The following TMEM132B variants were observed in gnomAD, a reference collection of about 807,000 sequenced individuals.
The protein encoded by TMEM132B is transmembrane protein 132B.
In TMEM132B, 18 loss-of-function variants were observed where a neutral mutation model predicts 90.8. That is an observed-to-expected ratio of 0.20 (90% CI 0.14 to 0.29). The LOEUF (loss-of-function observed/expected upper bound fraction) is 0.29, where lower values mean the gene tolerates loss of function less well. Among genes scored for constraint, TMEM132B ranks in the 10% least tolerant of loss-of-function variants. TMEM132B has a pLI of 1.00. For synonymous variants in TMEM132B, 504 were observed against 523.3 expected, an observed-to-expected ratio of 0.96 and a Z score of 0.50; for missense variants, 1,096 against 1,326.8, an observed-to-expected ratio of 0.83 and a Z score of 2.70.
chr12:125,458,793 A>G lies in TMEM132B; in HGVS notation c.1106+43116A>G, dbSNP rs1881362651. Among the ~76,000 whole-genome samples, 2 of 152,198 alleles carry G rather than the reference A, an allele frequency of 1.3e-5. No individual in the cohort carries two copies. The highest frequency in any genetic ancestry group is 1.9e-4 in the East Asian group (1 of 5,184). ...AGCATCTGAGGACAAATGAGAGTAG[A>G]TGTTGGGGTCCTGTACACAAAAGGC... On this transcript the variant is annotated intron_variant, in intron 3 of 8. Coordinates refer to ENST00000682704, the MANE Select transcript of TMEM132B (RefSeq NM_001366854.1). This position sits in a 1 kb window ranked among gnomAD's most constrained non-coding sequence, Gnocchi z 4.9.
intron 2 of TMEM132B, among the ~76,000 whole-genome samples, chr12:125,370,738 A>G (rs1878269274): frequency 6.6e-6 from 1 of 152,202 alleles, no homozygotes; most frequent in Admixed American, 6.5e-5. Flanking sequence ...TAGGGAAGAA[A>G]TGGGTAATGG....
chr12:125,462,312 T>G (rs1489534440), intron 3 of TMEM132B, among the ~76,000 whole-genome samples: 1 of 152,216 alleles, frequency 6.6e-6, no homozygotes, highest in African/African-American at 2.4e-5. Flanking sequence ...ATCTCTTTAT[T>G]CAAATGAATA....
At chr12:125,636,788 G>A (rs1168140473) in intron 5 of TMEM132B, among the ~76,000 whole-genome samples, 1 of 152,166 alleles carries the variant, frequency 6.6e-6, no homozygotes, top group Non-Finnish European at 1.5e-5. Context: ...CTGCAGCCAG[G>A]ATCATGAAGG....
chr12:125,580,604 G>T (rs150595931), intron 4 of TMEM132B, among the ~76,000 whole-genome samples: 10 of 152,262 alleles, frequency 6.6e-5, no homozygotes, highest in Middle Eastern at 3.4e-3. Flanking sequence ...AGCAGGTCAG[G>T]TTAAAATGGC....
In TMEM132B at chr12:125,445,185, T is replaced by G. The variant is rs1277118262; in HGVS notation, c.1106+29508T>G. Among the ~76,000 whole-genome samples the G allele has an allele frequency of 1.3e-5, 2 of 152,220 alleles. No homozygotes were observed. Among genetic ancestry groups the G allele is most frequent in the Non-Finnish European group, 2.9e-5 (2 of 68,048 alleles). On this transcript the variant is annotated intron_variant, in intron 3 of 8. Transcript: ENST00000682704. This position sits in a 1 kb window ranked among gnomAD's most constrained non-coding sequence, Gnocchi z 4.3. ...GGAAAAAAAAAACTTTTCAGATATT[T>G]ATTAATCATTTGTATTTCCACTTTT...
At chr12:125,392,125 G>C (rs966944539) in intron 2 of TMEM132B, among the ~76,000 whole-genome samples, 1 of 152,140 alleles carries the variant, frequency 6.6e-6, no homozygotes, top group Non-Finnish European at 1.5e-5. Context: ...AATTAACTTG[G>C]ATTTTAGAAA....
intron 3 of TMEM132B, among the ~76,000 whole-genome samples, chr12:125,478,687 T>A (rs1373569803): frequency 6.6e-6 from 1 of 152,156 alleles, no homozygotes; most frequent in Non-Finnish European, 1.5e-5. Context: ...AAAACACTCT[T>A]CAGGATATTA....
intron 3 of TMEM132B, among the ~76,000 whole-genome samples, chr12:125,505,188 A>AAAC (rs1882812963): frequency 6.8e-6 from 1 of 146,846 alleles, no homozygotes; most frequent in Non-Finnish European, 1.5e-5. Context: ...AAAAAAAAAA[A>AAAC]AAAAAAACAG....
At chr12:125,612,700 G>T (rs981622392) in intron 5 of TMEM132B, among the ~76,000 whole-genome samples, 3 of 142,958 alleles carry the variant, frequency 2.1e-5, no homozygotes, top group Non-Finnish European at 4.6e-5. Flanking sequence ...TTATGTTTAT[G>T]TAGCCACTCT....
chr12:125,495,564 T>C, intron 3 of TMEM132B, among the ~76,000 whole-genome samples: 1 of 152,190 alleles, frequency 6.6e-6, no homozygotes, highest in African/African-American at 2.4e-5. Context: ...CCCTTATTAT[T>C]TCTCTTATTC....
chr12:125,353,574 C>T (rs188907356), intron 2 of TMEM132B, among the ~76,000 whole-genome samples: 1 of 152,248 alleles, frequency 6.6e-6, no homozygotes, highest in African/African-American at 2.4e-5. Flanking sequence ...ACTGATTAAA[C>T]TCTGTCAACA....
At chr12:125,440,693 T>C (rs1219543897) in intron 3 of TMEM132B, among the ~76,000 whole-genome samples, 1 of 152,216 alleles carries the variant, frequency 6.6e-6, no homozygotes, top group African/African-American at 2.4e-5. Flanking sequence ...CAATCTCCAA[T>C]ATGTAGGCAA....
At chr12:125,514,318 A>T (rs907882605) in intron 3 of TMEM132B, among the ~76,000 whole-genome samples, 6 of 152,158 alleles carry the variant, frequency 3.9e-5, no homozygotes, top group African/African-American at 1.4e-4. Flanking sequence ...TCAGCACTAC[A>T]GTCAGGGCAG....
At chr12:125,513,512 G>A (rs532563006) in intron 3 of TMEM132B, among the ~76,000 whole-genome samples, 1 of 152,332 alleles carries the variant, frequency 6.6e-6, no homozygotes, top group Non-Finnish European at 1.5e-5. Flanking sequence ...GGTGGTCAGA[G>A]GAGGCTTTAC....
At chr12:125,637,417 G>A (rs995953486) in intron 5 of TMEM132B, among the ~76,000 whole-genome samples, 8 of 152,202 alleles carry the variant, frequency 5.3e-5, no homozygotes, top group Admixed American at 4.6e-4. Context: ...TTAAGGACAT[G>A]CGCCCGTGTC....
chr12:125,202,256 A>T (rs1356566990), intron 1 of TMEM132B, among the ~76,000 whole-genome samples: 1 of 152,222 alleles, frequency 6.6e-6, no homozygotes, highest in Non-Finnish European at 1.5e-5. Flanking sequence ...GTGAGCCTAG[A>T]GGTAAGTCAT....
chr12:125,463,039 A>G (rs1881480323), intron 3 of TMEM132B, among the ~76,000 whole-genome samples: 1 of 152,188 alleles, frequency 6.6e-6, no homozygotes, highest in South Asian at 2.1e-4. Context: ...TCATGTTCCA[A>G]ATGTTCCAAT....
In TMEM132B at chr12:125,546,025, T is replaced by G. The variant is rs185284180; in HGVS notation, c.1293+26400T>G. Among the ~76,000 whole-genome samples the G allele has an allele frequency of 3.9e-5, 6 of 152,312 alleles. No homozygotes were observed. In the East Asian group the frequency reaches 1.2e-3, roughly 29 times the overall value. On this transcript the variant is annotated intron_variant, in intron 4 of 8. Coordinates refer to ENST00000682704, the MANE Select transcript of TMEM132B (RefSeq NM_001366854.1). ...AATTAATCCTTCTTAAGTATATCAT[T>G]CAGGGAATTTTAGCAAATGAATGCA...
chr12:125,470,340 T>C (rs1881679112), intron 3 of TMEM132B, among the ~76,000 whole-genome samples: 1 of 152,100 alleles, frequency 6.6e-6, no homozygotes, highest in Non-Finnish European at 1.5e-5. Context: ...TACTACAGAG[T>C]GGTCTTTGCT....
Sources: gnomAD v4.1 joint callset for allele counts (sites outside exome capture counted in the v4.1 genomes callset) on GRCh38, gnomAD v4.1.1 for gene constraint, Gnocchi (gnomAD v3.1) non-coding constraint, MANE v1.5 for transcripts, NCBI Gene and HGNC (gene_info 2026-07-23, HGNC 2026-07-21) for gene names.